Variants in MGAT4C observed in about 807,000 individuals in gnomAD.
The protein encoded by MGAT4C is MGAT4 family member C, also known as alpha-1,3-mannosyl-glycoprotein 4-beta-N-acetylglucosaminyltransferase C.
In MGAT4C, 19 loss-of-function variants were observed where a neutral mutation model predicts 40.1. The ratio of observed to expected loss-of-function variants is 0.47; its 90% CI spans 0.33 to 0.70. The LOEUF (loss-of-function observed/expected upper bound fraction) is 0.70, where lower values mean the gene tolerates loss of function less well. Among genes scored for constraint, MGAT4C ranks in the 30% least tolerant of loss-of-function variants. The pLI is 0.02. For synonymous variants in MGAT4C, 181 were observed against 187.1 expected (o/e 0.97, Z 0.27); for missense variants, 491 against 563.2 (o/e 0.87, Z 1.30).
At chr12:86,186,201 T>A (rs1888735484) in intron 1 of MGAT4C, among the ~76,000 whole-genome samples, 1 of 152,146 alleles carries the variant, frequency 6.6e-6, no homozygotes, top group Non-Finnish European at 1.5e-5. Context: ...TACTGTGACA[T>A]ATTTGACATG....
At chr12:86,371,170 C>A (rs1459665318) in intron 3 of MGAT4C, among the ~76,000 whole-genome samples, 1 of 151,994 alleles carries the variant, frequency 6.6e-6, no homozygotes, top group African/African-American at 2.4e-5. Context: ...TCCTTTCCTT[C>A]TTGCCTTTCA....
intron 2 of MGAT4C, among the ~76,000 whole-genome samples, chr12:86,023,901 T>C (rs7486591): frequency 0.2 from 30,128 of 151,660 alleles, 3,685 homozygotes; most frequent in Non-Finnish European, 0.28. Flanking sequence ...TTTTTTTCTT[T>C]ATCTTTAAAA....
At chr12:86,659,409 G>C (rs1963927373) in intron 2 of MGAT4C, among the ~76,000 whole-genome samples, 1 of 152,006 alleles carries the variant, frequency 6.6e-6, no homozygotes, top group African/African-American at 2.4e-5. Flanking sequence ...TTTAGCTGGA[G>C]GGAAAAGAAA....
chr12:86,176,026 G>A (rs1443727637), intron 1 of MGAT4C, among the ~76,000 whole-genome samples: 1 of 152,140 alleles, frequency 6.6e-6, no homozygotes, highest in Non-Finnish European at 1.5e-5. Context: ...AGTCTCTTAT[G>A]CAGTAGTTTT....
At chr12:86,655,298 G>T (rs1963817403) in intron 2 of MGAT4C, among the ~76,000 whole-genome samples, 1 of 151,954 alleles carries the variant, frequency 6.6e-6, no homozygotes, top group South Asian at 2.1e-4. Flanking sequence ...GTTCTTAATT[G>T]CTTCTTTTCC....
rs1956408033 is a variant in MGAT4C, at chr12:86,403,458, T to C, written c.-120+31699A>G. On this transcript the variant is annotated intron_variant, in intron 3 of 7. Coordinates refer to the MGAT4C transcript ENST00000548651. The stretch of plus-strand genomic sequence containing the variant: ...TTTTGCTAGGGCAGAAGTGGTGTAC[T>C]CACTAGGATTACAGAAATGTCAACC... 2.0e-5 allele frequency among the ~76,000 whole-genome samples: 3 copies of C among 152,250 alleles called. No homozygotes were observed. The South Asian group carries it at 6.2e-4, about 31-fold the overall frequency.
chr12:86,446,906 C>T (rs1009397147), intron 2 of MGAT4C, among the ~76,000 whole-genome samples: 4 of 151,378 alleles, frequency 2.6e-5, no homozygotes, highest in South Asian at 2.1e-4. Flanking sequence ...ATTCTAAATG[C>T]TTACCATTAC....
At chr12:86,679,751 A>G (rs1467684167) in intron 2 of MGAT4C, among the ~76,000 whole-genome samples, 2 of 152,128 alleles carry the variant, frequency 1.3e-5, no homozygotes, top group East Asian at 1.9e-4. Context: ...TGGAACCTCT[A>G]AAGATGTCAA....
intron 2 of MGAT4C, among the ~76,000 whole-genome samples, chr12:86,043,820 G>T (rs942556592): frequency 1.3e-5 from 2 of 152,130 alleles, no homozygotes; most frequent in South Asian, 2.1e-4. Context: ...ATTGGGTTTT[G>T]ACTTTCTCCT....
chr12:86,577,193 A>G (rs938072847), intron 2 of MGAT4C, among the ~76,000 whole-genome samples: 2 of 151,792 alleles, frequency 1.3e-5, no homozygotes, highest in Admixed American at 1.3e-4. Context: ...TATCCGTTCT[A>G]ATAGTTTTCT....
intron 1 of MGAT4C, among the ~76,000 whole-genome samples, chr12:86,213,357 A>G (rs1238074036): frequency 1.3e-5 from 2 of 152,212 alleles, no homozygotes; most frequent in African/African-American, 4.8e-5. Context: ...TCACTGTAAT[A>G]GATTGATCGG....
chr12:86,422,026 C>T (rs773690584), intron 3 of MGAT4C, among the ~76,000 whole-genome samples: 27 of 152,038 alleles, frequency 1.8e-4, no homozygotes, highest in Non-Finnish European at 3.7e-4. Context: ...TGGTTTGTTA[C>T]AAAATATGTT....
chr12:86,507,959 G>C (rs562830397), intron 2 of MGAT4C, among the ~76,000 whole-genome samples: 5 of 152,128 alleles, frequency 3.3e-5, no homozygotes, highest in South Asian at 2.1e-4. Flanking sequence ...CATTGACATT[G>C]TGATAGAGAT....
chr12:86,070,066 C>A (rs754763076), intron 1 of MGAT4C, among the ~76,000 whole-genome samples: 2 of 151,650 alleles, frequency 1.3e-5, no homozygotes, highest in Non-Finnish European at 2.9e-5. Context: ...TTATGAGGTC[C>A]CGATGTAGGA....
chr12:86,284,194 A>G (rs1466448470), intron 4 of MGAT4C, among the ~76,000 whole-genome samples: 1 of 152,020 alleles, frequency 6.6e-6, no homozygotes, highest in Non-Finnish European at 1.5e-5. Context: ...TCATTTAAAA[A>G]CAATTTTAAA....
At chr12:86,118,165 C>T (rs907132602) in intron 1 of MGAT4C, among the ~76,000 whole-genome samples, 2 of 151,988 alleles carry the variant, frequency 1.3e-5, no homozygotes, top group African/African-American at 2.4e-5. Context: ...AATGCCATTT[C>T]CTAGTGTAGC....
chr12:86,807,196 G>T (rs1403835128), intron 1 of MGAT4C, among the ~76,000 whole-genome samples: 1 of 151,912 alleles, frequency 6.6e-6, no homozygotes, highest in Non-Finnish European at 1.5e-5. Context: ...GTGTCATGGT[G>T]GTTTGCTGCA....
Position 86,681,890 on chromosome 12 carries a change from G to A in MGAT4C, c.-229+45319C>T, listed in dbSNP as rs77295617. On this transcript the variant is annotated intron_variant, in intron 2 of 7. Coordinates refer to the MGAT4C transcript ENST00000548651. Reference sequence around the variant, plus strand: ...AGAACCTGGAAAGTAGAAATTTACTGAACAAAAATGACTTGAAACCCAGGC... The same window carrying A: ...AGAACCTGGAAAGTAGAAATTTACTAAACAAAAATGACTTGAAACCCAGGC... 4.5e-3 allele frequency among the ~76,000 whole-genome samples: 686 copies of A among 152,016 alleles called. 1 individual carries two copies. The highest frequency in any genetic ancestry group is 7.0e-3 in the Non-Finnish European group (475 of 67,886).
In MGAT4C at chr12:85,960,178, ACC is replaced by A. The variant is rs1323777268; in HGVS notation, c.*19109_*19110del. 6.6e-6 allele frequency: 1 copy of A among 152,044 alleles called. No individual in the cohort carries two copies. Among genetic ancestry groups the A allele is most frequent in the African/African-American group, 2.4e-5 (1 of 41,432 alleles). 9.4% of individuals were successfully genotyped at this position (152,044 alleles called of 1,614,324 possible). A position where few individuals can be genotyped will look rare whatever the true frequency, so the allele number is the denominator to read the frequency against. On this transcript the variant is annotated 3_prime_UTR_variant, in exon 5 of 5. Transcript: ENST00000611864. ...GCCGTATGCAGACTTACAAAGGACT[ACC>A]CACTAAGAATAAAAACATGATACAA... is the stretch of plus-strand genomic sequence containing the variant.
Sources: allele counts gnomAD v4.1 joint callset (sites outside exome capture counted in the v4.1 genomes callset), GRCh38; gene constraint gnomAD v4.1.1; transcripts MANE v1.5; gene names NCBI Gene and HGNC (gene_info 2026-07-23, HGNC 2026-07-21).